EXOC6B: variants seen among roughly 807,000 people sequenced by gnomAD.
EXOC6B encodes the protein SEC15 homolog B.
EXOC6B carries 54 observed loss-of-function variants against 113.5 expected under a neutral mutation model. The ratio of observed to expected loss-of-function variants is 0.48; its 90% CI spans 0.38 to 0.60. The LOEUF is 0.60. Among genes scored for constraint, EXOC6B ranks in the 20% least tolerant of loss-of-function variants. EXOC6B has a pLI of 0.00. For missense variants in EXOC6B, 797 were observed against 977.5 expected (o/e 0.82, Z 2.46); for synonymous variants, 357 against 339.0 (o/e 1.05, Z -0.58).
intron 7 of EXOC6B, among the ~76,000 whole-genome samples, chr2:72,568,053 T>A (rs1704292864): frequency 6.6e-6 from 1 of 151,990 alleles, no homozygotes; most frequent in Non-Finnish European, 1.5e-5. Flanking sequence ...ACGGGTACCT[T>A]TATGGTGAAG....
chr2:72,801,826 A>G (rs1685292428), intron 1 of EXOC6B, among the ~76,000 whole-genome samples: 1 of 152,210 alleles, frequency 6.6e-6, no homozygotes, highest in African/African-American at 2.4e-5. Context: ...TTCACGTAAA[A>G]GAAGTTATTA....
intron 19 of EXOC6B, among the ~76,000 whole-genome samples, chr2:72,342,513 C>T (rs576851914): frequency 6.6e-6 from 1 of 152,064 alleles, no homozygotes; most frequent in Non-Finnish European, 1.5e-5. Flanking sequence ...GTTAGGATGG[C>T]TATCATCAAA....
chr2:72,292,275 T>C (rs1337183046), intron 20 of EXOC6B, among the ~76,000 whole-genome samples: 11 of 151,592 alleles, frequency 7.3e-5, no homozygotes. Flanking sequence ...CTGGTCTATA[T>C]CAATCCATAA....
chr2:72,661,632 T>C (rs907033169), intron 6 of EXOC6B, among the ~76,000 whole-genome samples: 1 of 152,156 alleles, frequency 6.6e-6, no homozygotes, highest in African/African-American at 2.4e-5. Context: ...ACTACACAAA[T>C]TCAGCTACAG....
intron 1 of EXOC6B, among the ~76,000 whole-genome samples, chr2:72,744,165 C>T (rs1052971990): frequency 1.3e-5 from 2 of 152,202 alleles, no homozygotes; most frequent in South Asian, 2.1e-4. Context: ...AGACTATATA[C>T]CATCTAGGCT....
Position 72,369,865 on chromosome 2 carries a change from A to G in EXOC6B, c.2122+9864T>C, listed in dbSNP as rs1402574754. Among the ~76,000 whole-genome samples the G allele has an allele frequency of 2.0e-5, 3 of 152,208 alleles. No individual in the cohort carries two copies. In the East Asian group the frequency reaches 5.8e-4, roughly 29 times the overall value. ...ACACCTTATACAAAAATTAATTCAAATAGATTAAAGACTTAAATGTTAGAC... is the reference window on the plus strand; with the variant it reads ...ACACCTTATACAAAAATTAATTCAAGTAGATTAAAGACTTAAATGTTAGAC... On this transcript the variant is annotated intron_variant, in intron 19 of 21. Coordinates refer to ENST00000272427, the MANE Select transcript of EXOC6B (RefSeq NM_015189.3).
intron 20 of EXOC6B, among the ~76,000 whole-genome samples, chr2:72,230,615 C>T (rs1341913524): frequency 6.6e-6 from 1 of 152,108 alleles, no homozygotes; most frequent in East Asian, 1.9e-4. Context: ...TTAAAAAACT[C>T]TTCTTGTTAG....
intron 6 of EXOC6B, among the ~76,000 whole-genome samples, chr2:72,647,012 T>C (rs557501734): frequency 7.9e-4 from 121 of 152,328 alleles, no homozygotes; most frequent in Middle Eastern, 6.8e-3. Context: ...AGTCAAGTTG[T>C]CTCTGTTTGC....
chr2:72,367,642 G>A (rs1362753002), intron 19 of EXOC6B, among the ~76,000 whole-genome samples: 2 of 152,170 alleles, frequency 1.3e-5, no homozygotes, highest in African/African-American at 2.4e-5. Context: ...ATTGAAGATG[G>A]GCAGAAAGAC....
intron 6 of EXOC6B, among the ~76,000 whole-genome samples, chr2:72,701,272 T>A (rs1175504594): frequency 7.2e-6 from 1 of 138,218 alleles, no homozygotes; most frequent in East Asian, 2.2e-4. Context: ...AACCAGGAAG[T>A]CAAAGGATGC....
intron 20 of EXOC6B, among the ~76,000 whole-genome samples, chr2:72,239,967 C>G (rs1005405717): frequency 6.6e-6 from 1 of 151,904 alleles, no homozygotes; most frequent in Non-Finnish European, 1.5e-5. Flanking sequence ...TGCTACTGTA[C>G]AGAAATATAA....
intron 1 of EXOC6B, among the ~76,000 whole-genome samples, chr2:72,753,806 TA>T (rs1299733251): frequency 6.6e-6 from 1 of 152,204 alleles, no homozygotes; most frequent in Non-Finnish European, 1.5e-5. Context: ...GCAATGTCCT[TA>T]CCATCACTTC....
intron 6 of EXOC6B, among the ~76,000 whole-genome samples, chr2:72,704,619 G>A (rs1373270204): frequency 1.3e-5 from 2 of 152,046 alleles, no homozygotes; most frequent in East Asian, 3.9e-4. Context: ...GAATCAAATA[G>A]ACGCAATAAA....
intron 6 of EXOC6B, among the ~76,000 whole-genome samples, chr2:72,645,277 C>G (rs1281546087): frequency 6.6e-6 from 1 of 152,092 alleles, no homozygotes; most frequent in African/African-American, 2.4e-5. Context: ...CAGGAGCACC[C>G]AGATTCATAA....
rs191205404 is a variant in EXOC6B, at chr2:72,521,019, C to T, written c.916-5893G>A. On this transcript the variant is annotated intron_variant, in intron 8 of 21. Coordinates refer to ENST00000272427, the MANE Select transcript of EXOC6B (RefSeq NM_015189.3). ...GCCAACTGCTATGGTCTGAATGTGT[C>T]CCCCAAAATTAACATGTTAAAACTT... is the stretch of plus-strand genomic sequence containing the variant. Among the ~76,000 whole-genome samples, 4 of 152,214 alleles carry T rather than the reference C, an allele frequency of 2.6e-5. No individual in the cohort carries two copies. The East Asian group carries it at 7.7e-4, about 29-fold the overall frequency.
At chr2:72,585,765 C>T (rs1414547023) in intron 6 of EXOC6B, among the ~76,000 whole-genome samples, 1 of 152,020 alleles carries the variant, frequency 6.6e-6, no homozygotes, top group African/African-American at 2.4e-5. Flanking sequence ...TGAAACCCTG[C>T]TAGACCAATA....
At chr2:72,428,612 C>A (rs1695343354) in intron 18 of EXOC6B, among the ~76,000 whole-genome samples, 1 of 152,192 alleles carries the variant, frequency 6.6e-6, no homozygotes, top group South Asian at 2.1e-4. Context: ...AGATCAGTAG[C>A]ATGAGAAGAG....
At chr2:72,424,799 G>A (rs1695108575) in intron 18 of EXOC6B, among the ~76,000 whole-genome samples, 1 of 152,012 alleles carries the variant, frequency 6.6e-6, no homozygotes, top group African/African-American at 2.4e-5. Flanking sequence ...CAGATAATTT[G>A]TTGACTATAT....
chr2:72,725,798 G>T (rs1680265050), intron 5 of EXOC6B, among the ~76,000 whole-genome samples: 1 of 152,156 alleles, frequency 6.6e-6, no homozygotes, highest in African/African-American at 2.4e-5. Context: ...GAATCTAACA[G>T]TTCCTCAAAA....
Sources: gnomAD v4.1 joint callset for allele counts (sites outside exome capture counted in the v4.1 genomes callset) on GRCh38, gnomAD v4.1.1 for gene constraint, MANE v1.5 for transcripts, NCBI Gene and HGNC (gene_info 2026-07-23, HGNC 2026-07-21) for gene names.